LRRIQ3: variants seen among roughly 807,000 people sequenced by gnomAD.
LRRIQ3 encodes the protein leucine-rich repeat and IQ domain-containing protein 3.
In LRRIQ3, 75 loss-of-function variants were observed where a neutral mutation model predicts 59.3. The observed-to-expected ratio is 1.26, with a 90% CI of 1.05 to 1.53. LRRIQ3 has a LOEUF of 1.53. LRRIQ3 is among the 40% of genes most tolerant of loss of function. LRRIQ3 has a pLI of 0.00. For missense variants in LRRIQ3, 831 were observed against 710.0 expected (o/e 1.17, Z -1.94); for synonymous variants, 250 against 231.3 (o/e 1.08, Z -0.73).
intron 4 of LRRIQ3, among the ~76,000 whole-genome samples, chr1:74,141,196 T>C (rs1241449641): frequency 6.6e-6 from 1 of 151,882 alleles, no homozygotes; most frequent in Non-Finnish European, 1.5e-5. Context: ...TATGCTAACA[T>C]CATGGAACTA....
intron 3 of LRRIQ3, chr1:74,181,266 C>G (rs1557657240): frequency 6.6e-6 from 1 of 152,482 alleles, no homozygotes; most frequent in Non-Finnish European, 1.5e-5. Context: ...TCCCCTTGCC[C>G]TCATTTGGCT....
At chr1:74,117,350 G>A (rs955479566) in intron 4 of LRRIQ3, among the ~76,000 whole-genome samples, 4 of 152,088 alleles carry the variant, frequency 2.6e-5, no homozygotes, top group African/African-American at 7.2e-5. Context: ...AGAGTCTCAT[G>A]TAAAAAGTAT....
At chr1:74,194,740 C>T (rs985659629) in intron 1 of LRRIQ3, among the ~76,000 whole-genome samples, 25 of 152,252 alleles carry the variant, frequency 1.6e-4, no homozygotes, top group African/African-American at 4.6e-4. Flanking sequence ...GAAATTAGCA[C>T]GACAAATATT....
chr1:74,105,117 T>C (rs1358010558), intron 5 of LRRIQ3, among the ~76,000 whole-genome samples: 1 of 152,018 alleles, frequency 6.6e-6, no homozygotes, highest in Non-Finnish European at 1.5e-5. Flanking sequence ...ATAAAACATA[T>C]TTGAATTTTT....
chr1:74,085,924 A>C (rs1031263426), intron 5 of LRRIQ3, among the ~76,000 whole-genome samples: 5 of 152,066 alleles, frequency 3.3e-5, no homozygotes, highest in Non-Finnish European at 7.4e-5. Flanking sequence ...CTCTCACAAT[A>C]TGCAGCCATG....
intron 5 of LRRIQ3, among the ~76,000 whole-genome samples, chr1:74,099,082 C>A (rs943535989): frequency 7.3e-5 from 11 of 151,506 alleles, no homozygotes; most frequent in Admixed American, 7.2e-4. Context: ...GATAGAGACA[C>A]AAAAAAAACC....
intron 4 of LRRIQ3, among the ~76,000 whole-genome samples, chr1:74,137,811 G>GA (rs1259298917): frequency 6.6e-6 from 1 of 151,934 alleles, no homozygotes; most frequent in African/African-American, 2.4e-5. Context: ...GATGAAGCTG[G>GA]AAACTATCAT....
In LRRIQ3 at chr1:74,155,822, A is replaced by G. The variant is rs1158389492; in HGVS notation, c.618T>C (p.Thr206=). Residue 206 remains threonine, a synonymous_variant, in exon 4 of 8, where the codon ACT becomes ACC. Coordinates refer to ENST00000354431, the MANE Select transcript of LRRIQ3 (RefSeq NM_001105659.2). ...EEEINNIKHI[T]SKINAILAHN... ...GAGCCAGAATTGCATTAATTTTTGA[A>G]GTAATATGTTTAATATTATTAATTT... The G allele has an allele frequency of 1.3e-6, 2 of 1,579,280 alleles. No individual in the cohort carries two copies. The highest frequency in any genetic ancestry group is 1.2e-5 in the South Asian group (1 of 83,438).
chr1:74,028,382 T>C (rs995008994), intron 7 of LRRIQ3, among the ~76,000 whole-genome samples: 2 of 152,092 alleles, frequency 1.3e-5, no homozygotes, highest in African/African-American at 2.4e-5. Flanking sequence ...ACCTAACTCA[T>C]AGGGTTAGTA....
At chr1:74,128,973 C>T (rs1257308221) in intron 4 of LRRIQ3, among the ~76,000 whole-genome samples, 1 of 152,054 alleles carries the variant, frequency 6.6e-6, no homozygotes, top group Non-Finnish European at 1.5e-5. Flanking sequence ...CAGTCTCTCT[C>T]TGTGATGAGC....
intron 4 of LRRIQ3, among the ~76,000 whole-genome samples, chr1:74,133,863 T>TA (rs199511185): frequency 4.0e-5 from 6 of 151,348 alleles, no homozygotes; most frequent in South Asian, 2.1e-4. Flanking sequence ...AGTATAATAA[T>TA]AAAAAAAAGA....
chr1:74,041,140 G>A, intron 7 of LRRIQ3, 73 bp downstream of exon 7: 1 of 1,199,832 alleles, frequency 8.3e-7, no homozygotes, highest in South Asian at 1.6e-5. Context: ...TAATTATTAG[G>A]TCTTAAAATT....
intron 3 of LRRIQ3, among the ~76,000 whole-genome samples, chr1:74,178,586 T>C (rs1167066862): frequency 2.6e-5 from 4 of 152,174 alleles, no homozygotes; most frequent in African/African-American, 7.2e-5. Flanking sequence ...ATATCAACCT[T>C]GTACTGCATT....
intron 4 of LRRIQ3, among the ~76,000 whole-genome samples, chr1:74,115,248 G>A (rs1646763058): frequency 6.6e-6 from 1 of 152,056 alleles, no homozygotes; most frequent in South Asian, 2.1e-4. Flanking sequence ...AAAGTCTAAT[G>A]ATGTTTAGAT....
intron 3 of LRRIQ3, chr1:74,180,659 T>C (rs1379774131): frequency 6.7e-7 from 1 of 1,495,694 alleles, no homozygotes; most frequent in African/African-American, 1.4e-5. Flanking sequence ...ATCTCTGCAC[T>C]GTCTGTCATT....
intron 7 of LRRIQ3, among the ~76,000 whole-genome samples, chr1:74,038,061 C>A (rs1005607146): frequency 2.0e-4 from 31 of 152,318 alleles, no homozygotes; most frequent in African/African-American, 7.5e-4. Flanking sequence ...ACACATTAAG[C>A]TCCCAGGGCG....
intron 5 of LRRIQ3, among the ~76,000 whole-genome samples, chr1:74,077,672 T>G (rs1171196189): frequency 6.6e-6 from 1 of 151,950 alleles, no homozygotes; most frequent in Non-Finnish European, 1.5e-5. Flanking sequence ...TTCCATGTTT[T>G]TAGAAAAGAA....
At chr1:74,176,571 ACT>A (rs1236541309) in intron 3 of LRRIQ3, among the ~76,000 whole-genome samples, 3 of 151,666 alleles carry the variant, frequency 2.0e-5, no homozygotes, top group Non-Finnish European at 2.9e-5. Context: ...TTTTCTCGAG[ACT>A]CTGATGACAT....
chr1:74,063,253 A>G (rs1320640432), intron 6 of LRRIQ3, among the ~76,000 whole-genome samples: 1 of 152,034 alleles, frequency 6.6e-6, no homozygotes, highest in Non-Finnish European at 1.5e-5. Context: ...ATGAATAAAG[A>G]AAATGTTTTG....
Sources: gnomAD v4.1 joint callset for allele counts (sites outside exome capture counted in the v4.1 genomes callset) on GRCh38, gnomAD v4.1.1 for gene constraint, MANE v1.5 for transcripts, NCBI Gene and HGNC (gene_info 2026-07-23, HGNC 2026-07-21) for gene names.